The following PTBP3 variants were observed in gnomAD, a reference collection of about 807,000 sequenced individuals.
PTBP3 encodes polypyrimidine tract binding protein 3, also known as polypyrimidine tract-binding protein 3.
Under a neutral mutation model 58.7 loss-of-function variants are expected in PTBP3, and 20 were observed. The observed-to-expected ratio is 0.34, with a 90% CI of 0.24 to 0.50. The LOEUF (loss-of-function observed/expected upper bound fraction) is 0.50. PTBP3 is among the 20% of genes least tolerant of loss of function. The pLI, the probability that PTBP3 is intolerant of heterozygous loss-of-function variation, is 0.98. For missense variants in PTBP3, 509 were observed against 637.2 expected (o/e 0.80, Z 2.17); for synonymous variants, 185 against 219.8 (o/e 0.84, Z 1.40).
At chr9:112,255,743 G>A (rs1330315554) in intron 5 of PTBP3, among the ~76,000 whole-genome samples, 1 of 152,022 alleles carries the variant, frequency 6.6e-6, no homozygotes, top group Non-Finnish European at 1.5e-5. Flanking sequence ...ATATGTAGTT[G>A]CCTATAGTTC....
intron 1 of PTBP3, among the ~76,000 whole-genome samples, chr9:112,325,452 T>C (rs968095031): frequency 1.1e-4 from 17 of 152,110 alleles, no homozygotes; most frequent in Admixed American, 2.6e-4. Flanking sequence ...AGAGCTCCCC[T>C]TTCGCTTAAT....
intron 7 of PTBP3, among the ~76,000 whole-genome samples, chr9:112,247,563 A>G (rs932741156): frequency 1.3e-5 from 2 of 151,806 alleles, no homozygotes; most frequent in Non-Finnish European, 2.9e-5. Context: ...AAAAAAAAAA[A>G]AAGAAAAAGC....
intron 1 of PTBP3, among the ~76,000 whole-genome samples, chr9:112,329,800 A>G (rs1030743837): frequency 2.0e-4 from 31 of 152,154 alleles, no homozygotes; most frequent in Admixed American, 1.8e-3. Flanking sequence ...GAAAGAGGAT[A>G]TAAGAAAGGA....
At chr9:112,244,892 T>C (rs1401526659) in intron 7 of PTBP3, among the ~76,000 whole-genome samples, 1 of 151,954 alleles carries the variant, frequency 6.6e-6, no homozygotes, top group Non-Finnish European at 1.5e-5. Context: ...TGGTCAAGAA[T>C]TGCCAAGATA....
intron 1 of PTBP3, among the ~76,000 whole-genome samples, chr9:112,313,298 G>A (rs912731280): frequency 1.3e-5 from 2 of 152,014 alleles, no homozygotes; most frequent in African/African-American, 4.8e-5. Context: ...TCCTCTCATG[G>A]GCTCGAATAA....
At chr9:112,266,177 C>A (rs932330824) in intron 4 of PTBP3, among the ~76,000 whole-genome samples, 1 of 152,004 alleles carries the variant, frequency 6.6e-6, no homozygotes, top group South Asian at 2.1e-4. Context: ...CATCTAGAGA[C>A]TAAGTGTGGT....
At chr9:112,268,874 G>A (rs1055416623) in intron 3 of PTBP3, among the ~76,000 whole-genome samples, 5 of 151,966 alleles carry the variant, frequency 3.3e-5, no homozygotes, top group African/African-American at 1.2e-4. Flanking sequence ...TGCTTTCAGC[G>A]GCTGTGATTT....
chr9:112,232,287 G>A (rs1438653646), intron 8 of PTBP3, 49 bp from the exon 9 acceptor site: 2 of 1,455,928 alleles, frequency 1.4e-6, no homozygotes, highest in East Asian at 4.7e-5. Context: ...TTGAAGAACT[G>A]TAACACTTGA....
intron 1 of PTBP3, among the ~76,000 whole-genome samples, chr9:112,321,489 A>G (rs1829946308): frequency 6.6e-6 from 1 of 150,500 alleles, no homozygotes; most frequent in African/African-American, 2.5e-5. Context: ...AGATCGCACC[A>G]CTGCACCCCA....
the PTBP3 span, among the ~76,000 whole-genome samples, chr9:112,347,142 A>G: frequency 6.6e-6 from 1 of 152,230 alleles, no homozygotes; most frequent in Non-Finnish European, 1.5e-5. Context: ...AATGCTATAT[A>G]TAAATAACCT....
the PTBP3 span, chr9:112,379,820 A>C: frequency 6.4e-6 from 3 of 467,240 alleles, no homozygotes; most frequent in East Asian, 4.5e-5. Context: ...AGGTGGACGT[A>C]GCGGCTGACG....
chr9:112,226,961 C>T (rs980570474), intron 12 of PTBP3, among the ~76,000 whole-genome samples: 4 of 152,152 alleles, frequency 2.6e-5, no homozygotes, highest in Admixed American at 6.5e-5. Context: ...AGGAAAATAA[C>T]GTTTAGCTTT....
the PTBP3 span, among the ~76,000 whole-genome samples, chr9:112,369,319 C>A: frequency 3.3e-5 from 5 of 152,200 alleles, no homozygotes; most frequent in East Asian, 9.6e-4. Flanking sequence ...CACTCAACAT[C>A]AGCCTGTGAA....
At chr9:112,278,215 T>C (rs1827709233) in intron 2 of PTBP3, among the ~76,000 whole-genome samples, 1 of 152,198 alleles carries the variant, frequency 6.6e-6, no homozygotes, top group South Asian at 2.1e-4. Context: ...GACTTGACAC[T>C]GACAATGTAA....
intron 1 of PTBP3, among the ~76,000 whole-genome samples, chr9:112,305,506 T>C (rs1338194111): frequency 6.6e-6 from 1 of 152,172 alleles, no homozygotes; most frequent in East Asian, 1.9e-4. Flanking sequence ...ATAATACTCC[T>C]TGCCTACTGC....
At position 112,250,979 on chromosome 9, in the gene PTBP3, G is replaced by A. The variant is rs757337513; in HGVS notation, c.752C>T (p.Pro251Leu). 6.2e-7 allele frequency: 1 copy of A among 1,610,736 alleles called. No homozygotes were observed. The highest frequency in any genetic ancestry group is 2.2e-5 in the East Asian group (1 of 44,678). ...AAGGGATGGCTGGCCATCACCAGTA[G>A]GAAGGTCTAAGCGAGTGAAGTCTCT... ...KSRDFTRLDL[P>L]TGDGQPSLEP... Residue 251 changes from proline (P) to leucine (L), a missense_variant, in exon 7 of 14, where the codon CCT (proline) becomes CTT (leucine). Pro to Leu is a moderately conservative substitution (Grantham distance 98). This residue lies in a region of PTBP3 where 121 missense variants were observed against 114.8 expected (regional missense o/e 1.05). Transcript: ENST00000374257.
chr9:112,279,620 T>C (rs1257499586), intron 2 of PTBP3, among the ~76,000 whole-genome samples: 6 of 151,946 alleles, frequency 3.9e-5, no homozygotes. Flanking sequence ...CTAGTATCCC[T>C]TTGCAGTTAG....
chr9:112,231,389 T>A lies in PTBP3; in HGVS notation c.1045A>T (p.Ile349Phe). The stretch of plus-strand genomic sequence containing the variant: ...GCAAAAATGAACTTACCAAATAGGA[T>A]AAAAAGCCCATGTGGTGTGATAAGC... ...PDLITPHGLF[I>F]LFGVYGDVHR... Residue 349 changes from isoleucine (I) to phenylalanine (F), a missense_variant, in exon 10 of 14, where the codon ATC becomes TTC. Physicochemically the swap from Ile to Phe is conservative, Grantham distance 21. Coordinates refer to ENST00000374257, the MANE Select transcript of PTBP3 (RefSeq NM_001163788.4). 1 of 1,594,356 alleles carries A rather than the reference T, an allele frequency of 6.3e-7. No individual in the cohort carries two copies. Among genetic ancestry groups the A allele is most frequent in the Non-Finnish European group, 8.6e-7 (1 of 1,168,368 alleles).
At chr9:112,354,094 C>A in the PTBP3 span, among the ~76,000 whole-genome samples, 3 of 152,162 alleles carry the variant, frequency 2.0e-5, no homozygotes, top group Non-Finnish European at 4.4e-5. Context: ...ACAAAGCCTT[C>A]ATTTTGGCTA....
Sources: gnomAD v4.1 joint callset for allele counts (sites outside exome capture counted in the v4.1 genomes callset) on GRCh38, gnomAD v4.1.1 for gene constraint, gnomAD v4.1.1 regional missense constraint, MANE v1.5 for transcripts, NCBI Gene and HGNC (gene_info 2026-07-23, HGNC 2026-07-21) for gene names.